PML: variants seen among roughly 807,000 people sequenced by gnomAD.
The protein encoded by PML is PML nuclear body scaffold, also known as protein PML.
Under a neutral mutation model 65.2 loss-of-function variants are expected in PML, and 28 were observed. The observed-to-expected ratio is 0.43, with a 90% CI of 0.32 to 0.59. PML has a LOEUF of 0.59. Ranked by LOEUF, PML falls within the 20% of genes least tolerant of loss-of-function variation. The pLI is 0.08. For missense variants in PML, 1,021 were observed against 1,203.4 expected, an observed-to-expected ratio of 0.85 and a Z score of 2.24; for synonymous variants, 500 against 508.8, an observed-to-expected ratio of 0.98 and a Z score of 0.23.
intron 4 of PML, among the ~76,000 whole-genome samples, chr15:74,030,668 A>G (rs373757321): frequency 1.5e-5 from 2 of 136,908 alleles, no homozygotes; most frequent in African/African-American, 2.7e-5. Flanking sequence ...ACAAACAAAC[A>G]AACGAACAAA....
chr15:74,007,039 G>A (rs183002529), intron 2 of PML, among the ~76,000 whole-genome samples: 12 of 152,322 alleles, frequency 7.9e-5, no homozygotes, highest in African/African-American at 2.9e-4. Context: ...CATGAGATTT[G>A]GTAAATATAT....
Position 74,045,008 on chromosome 15 carries a change from A to G in PML, c.2649A>G (p.Ter883TrpextTer19), listed in dbSNP as rs750544529. The G allele has an allele frequency of 7.5e-6, 12 of 1,597,004 alleles. No homozygotes were observed. Among genetic ancestry groups the G allele is most frequent in the African/African-American group, 2.7e-5 (2 of 74,668 alleles). Reference sequence around the variant, plus strand: ...CAGAGAGGGCCTCCCAGCAGAGCTGAGAGGAGGGGGTGACCAGCTTGGAGT... The same window carrying G: ...CAGAGAGGGCCTCCCAGCAGAGCTGGGAGGAGGGGGTGACCAGCTTGGAGT... ...GLAERASQQS* is the reference protein window; with the variant it reads ...GLAERASQQSW Residue 883 changes from the stop codon to tryptophan, a stop_lost, in exon 9 of 9, where the codon TGA (stop) becomes TGG (tryptophan). Coordinates refer to ENST00000268058, the MANE Select transcript of PML (RefSeq NM_033238.3).
chr15:74,044,766 G>GT lies in PML; in HGVS notation c.2408dup (p.Ser804GlufsTer12), dbSNP rs1567142041. On this transcript the variant is annotated frameshift_variant, in exon 9 of 9. Transcript: ENST00000268058. LOFTEE classifies it low-confidence loss of function (END_TRUNC). ...GGCCCGCCTCCTGGCCCTACACAACGTGAGCTTCATGGAGCTGCTGAGTGC... is the reference window on the plus strand; with the variant it reads ...GGCCCGCCTCCTGGCCCTACACAACGTTGAGCTTCATGGAGCTGCTGAGTGC... 1 of 1,612,856 alleles carries GT rather than the reference G, an allele frequency of 6.2e-7. No homozygotes were observed. The highest frequency in any genetic ancestry group is 1.7e-5 in the Admixed American group (1 of 60,032).
intron 7 of PML, among the ~76,000 whole-genome samples, chr15:74,041,036 C>T (rs570553869): frequency 1.3e-5 from 2 of 152,278 alleles, no homozygotes; most frequent in Non-Finnish European, 2.9e-5. Context: ...GATCTGAAGG[C>T]GGGAAGACTG....
In PML at chr15:74,047,104, G is replaced by C. The variant is rs2071778838; in HGVS notation, c.*2096G>C. The C allele has an allele frequency of 4.3e-6, 1 of 230,518 alleles. No homozygotes were observed. The highest frequency in any genetic ancestry group is 8.6e-6 in the Non-Finnish European group (1 of 116,410). The allele number at this position is 230,518 out of a possible 1,614,324, so 14.3% of individuals were successfully genotyped here. On this transcript the variant is annotated 3_prime_UTR_variant, in exon 9 of 9. Coordinates refer to ENST00000268058, the MANE Select transcript of PML (RefSeq NM_033238.3). ...TTCCTAGAGAAAGTCAGGAACTAGA[G>C]ACCAGAGTCTGCAGGAACTTTGCCA...
intron 2 of PML, among the ~76,000 whole-genome samples, chr15:74,020,271 G>A (rs938549650): frequency 1.3e-5 from 2 of 151,156 alleles, no homozygotes; most frequent in African/African-American, 2.4e-5. Context: ...CTGGCCTCAG[G>A]TGGGCTGACT....
chr15:73,998,388 C>T lies in PML; in HGVS notation c.514C>T (p.Gln172Ter). Residue 172 changes from glutamine (Q) to a stop codon, truncating the protein, a stop_gained, in exon 2 of 9, where the codon CAG (glutamine) becomes TAG (stop). Transcript: ENST00000268058. LOFTEE classifies it high-confidence loss of function. ...EARPLAELRNQSVREFLDGTR... is the reference protein window; with the variant it reads ...EARPLAELRN ...CCGGCCCCTAGCAGAGCTGCGCAAC[C>T]AGTCGGTGCGTGAGTTCCTGGACGG... is the stretch of plus-strand genomic sequence containing the variant. 6.2e-7 allele frequency: 1 copy of T among 1,614,110 alleles called. No individual in the cohort carries two copies. Among genetic ancestry groups the T allele is most frequent in the Non-Finnish European group, 8.5e-7 (1 of 1,179,968 alleles).
intron 7 of PML, chr15:74,041,531 T>C (rs1567140761): frequency 3.3e-5 from 5 of 152,276 alleles, no homozygotes; most frequent in African/African-American, 7.2e-5. Flanking sequence ...ACTAGATCCC[T>C]GGATATGAAG....
At chr15:74,007,124 C>G (rs2070099292) in intron 2 of PML, among the ~76,000 whole-genome samples, 1 of 152,240 alleles carries the variant, frequency 6.6e-6, no homozygotes, top group African/African-American at 2.4e-5. Flanking sequence ...GGCTGTAAAA[C>G]TTCCCTGAGA....
At chr15:74,034,898 G>C in intron 7 of PML, 1 of 1,439,300 alleles carries the variant, frequency 6.9e-7, no homozygotes, top group Non-Finnish European at 9.1e-7. Flanking sequence ...TACAGCCAGT[G>C]GGGGCCAGTG....
chr15:73,998,426 C>A lies in PML; in HGVS notation c.552C>A (p.Thr184=), dbSNP rs746745053. Residue 184 remains threonine (T), a synonymous_variant, in exon 2 of 9, where the codon ACC becomes ACA. Coordinates refer to ENST00000268058, the MANE Select transcript of PML (RefSeq NM_033238.3). ...AGTTCCTGGACGGCACCCGCAAGAC[C>A]AACAACATCTTCTGCTCCAACCCCA... The part of the protein sequence containing the change: ...VREFLDGTRK[T]NNIFCSNPNH... 2 of 1,614,030 alleles carry A rather than the reference C, an allele frequency of 1.2e-6. No homozygotes were observed. The highest frequency in any genetic ancestry group is 2.2e-5 in the South Asian group (2 of 91,084).
chr15:74,006,144 G>A (rs772088959), intron 2 of PML, among the ~76,000 whole-genome samples: 16 of 152,088 alleles, frequency 1.1e-4, no homozygotes, highest in Non-Finnish European at 1.9e-4. Flanking sequence ...TAGGCCCAGC[G>A]CTTTGGGAGG....
chr15:74,040,988 A>G (rs1222636762), intron 7 of PML, among the ~76,000 whole-genome samples: 2 of 152,206 alleles, frequency 1.3e-5, no homozygotes, highest in Non-Finnish European at 2.9e-5. Flanking sequence ...AAGAGACAGT[A>G]CTGTGGCTCT....
chr15:73,995,253 G>T (rs1295394004), intron 1 of PML, among the ~76,000 whole-genome samples: 3 of 152,250 alleles, frequency 2.0e-5, no homozygotes, highest in African/African-American at 7.2e-5. Context: ...CTCGAGCCCT[G>T]CCTCAACTTT....
intron 1 of PML, among the ~76,000 whole-genome samples, chr15:73,997,383 C>T: frequency 6.6e-6 from 1 of 152,194 alleles, no homozygotes; most frequent in East Asian, 1.9e-4. Flanking sequence ...AGCATAATGT[C>T]ATTGAGGTCT....
Position 74,042,875 on chromosome 15 carries a change from C to T in PML, c.1711-114C>T. On this transcript the variant is annotated intron_variant, in intron 7 of 8. Coordinates refer to ENST00000268058, the MANE Select transcript of PML (RefSeq NM_033238.3). The surrounding 1 kb of genome is among the most constrained non-coding windows in gnomAD (Gnocchi z 5.3). ...GCACACGTCCCCTTTCCCAGTGGTA[C>T]ACCCTCCTTCATGTGCACGCAGATG... 6 of 1,590,950 alleles carry T rather than the reference C, an allele frequency of 3.8e-6. No individual in the cohort carries two copies. In the African/African-American group the frequency reaches 4.0e-5, roughly 11 times the overall value.
chr15:74,034,841 A>G (rs2071473236), intron 7 of PML: 1 of 1,438,082 alleles, frequency 7.0e-7, no homozygotes, highest in Non-Finnish European at 9.1e-7. Flanking sequence ...TCTGTCCTCT[A>G]AGTCCTCAGT....
intron 3 of PML, 54 bp downstream of exon 3, chr15:74,023,462 G>C: frequency 7.2e-7 from 1 of 1,384,594 alleles, no homozygotes; most frequent in Non-Finnish European, 1.0e-6. Context: ...GCACCCTAGG[G>C]AAGGCGAGTC....
intron 7 of PML, chr15:74,036,946 C>T (rs1205474882): frequency 1.0e-6 from 1 of 985,320 alleles, no homozygotes; most frequent in Non-Finnish European, 1.2e-6. Context: ...CCTTCGCCTC[C>T]CTCCAGCCCC....
Sources: gnomAD v4.1 joint callset for allele counts (sites outside exome capture counted in the v4.1 genomes callset) on GRCh38, gnomAD v4.1.1 for gene constraint, Gnocchi (gnomAD v3.1) non-coding constraint, MANE v1.5 for transcripts, NCBI Gene and HGNC (gene_info 2026-07-23, HGNC 2026-07-21) for gene names.